The following FNDC3B variants were observed in gnomAD, a reference collection of about 807,000 sequenced individuals.
The protein encoded by FNDC3B is fibronectin type III domain-containing protein 3B.
In FNDC3B, 12 loss-of-function variants were observed where a neutral mutation model predicts 151.5. The observed-to-expected ratio is 0.08, with a 90% CI of 0.05 to 0.13. The LOEUF is 0.13. FNDC3B is among the 10% of genes least tolerant of loss of function. The pLI, the probability that FNDC3B is intolerant of heterozygous loss-of-function variation, is 1.00. For synonymous variants in FNDC3B, 528 were observed against 549.0 expected, an observed-to-expected ratio of 0.96 and a Z score of 0.54; for missense variants, 1,214 against 1,505.3, an observed-to-expected ratio of 0.81 and a Z score of 3.20.
intron 1 of FNDC3B, among the ~76,000 whole-genome samples, chr3:172,110,242 C>G (rs1359367625): frequency 3.3e-5 from 5 of 152,194 alleles, no homozygotes; most frequent in African/African-American, 1.2e-4. Context: ...ACTGTCTTCT[C>G]TTACTCAGTT....
intron 1 of FNDC3B, among the ~76,000 whole-genome samples, chr3:172,093,288 TTG>T (rs1438243420): frequency 3.3e-5 from 5 of 151,060 alleles, no homozygotes; most frequent in Non-Finnish European, 7.4e-5. Flanking sequence ...AGACGGAGTC[TTG>T]CTCTGTCACC....
chr3:172,236,216 G>A (rs552089119), intron 4 of FNDC3B, among the ~76,000 whole-genome samples: 9 of 152,256 alleles, frequency 5.9e-5, no homozygotes, highest in African/African-American at 2.2e-4. Context: ...GATTAGATTT[G>A]ATTTTTGATT....
chr3:172,103,291 A>G (rs943934451), intron 1 of FNDC3B, among the ~76,000 whole-genome samples: 10 of 151,976 alleles, frequency 6.6e-5, no homozygotes, highest in Admixed American at 2.6e-4. Context: ...ATTTTTTTCC[A>G]TTTAGTTTTT....
At chr3:172,327,406 G>A (rs1402732586) in intron 11 of FNDC3B, among the ~76,000 whole-genome samples, 6 of 151,922 alleles carry the variant, frequency 3.9e-5, no homozygotes, top group Non-Finnish European at 7.4e-5. Context: ...TTTGGGGGGC[G>A]GGGCGGGGCA....
chr3:172,354,495 T>TA (rs889464333), intron 22 of FNDC3B, among the ~76,000 whole-genome samples: 1 of 149,838 alleles, frequency 6.7e-6, no homozygotes, highest in Admixed American at 6.6e-5. Context: ...ATATAAACAA[T>TA]AAAAAAAAAT....
intron 6 of FNDC3B, among the ~76,000 whole-genome samples, chr3:172,269,149 G>A (rs565665724): frequency 5.3e-5 from 8 of 152,308 alleles, no homozygotes; most frequent in East Asian, 1.9e-4. Context: ...TATGTTCCTG[G>A]TCAGCAGCAT....
At chr3:172,051,043 C>T (rs899740456) in intron 1 of FNDC3B, among the ~76,000 whole-genome samples, 9 of 151,536 alleles carry the variant, frequency 5.9e-5, no homozygotes, top group Non-Finnish European at 8.8e-5. Flanking sequence ...TTGTTATGTT[C>T]CAGAGCCATC....
At chr3:172,179,322 A>G (rs1009106286) in intron 3 of FNDC3B, among the ~76,000 whole-genome samples, 2 of 152,200 alleles carry the variant, frequency 1.3e-5, no homozygotes, top group Admixed American at 1.3e-4. Flanking sequence ...TTGGCCTCCC[A>G]AAGTGCTGAG....
chr3:172,377,565 T>C (rs1399542014), intron 23 of FNDC3B, among the ~76,000 whole-genome samples: 1 of 152,214 alleles, frequency 6.6e-6, no homozygotes, highest in Non-Finnish European at 1.5e-5. Flanking sequence ...GAAATCTTAA[T>C]TAGCAGAGAA....
intron 6 of FNDC3B, among the ~76,000 whole-genome samples, chr3:172,271,678 C>T (rs73167259): frequency 0.033 from 4,963 of 152,280 alleles, 120 homozygotes; most frequent in Middle Eastern, 0.065. Context: ...GGTCTCCATG[C>T]TCCTATGAGA....
chr3:172,088,948 A>C (rs1718682151), intron 1 of FNDC3B, among the ~76,000 whole-genome samples: 1 of 152,334 alleles, frequency 6.6e-6, no homozygotes. Flanking sequence ...AAATTTACAG[A>C]CAATAGCCAA....
intron 4 of FNDC3B, among the ~76,000 whole-genome samples, chr3:172,242,218 C>T (rs935721668): frequency 6.6e-6 from 1 of 152,148 alleles, no homozygotes; most frequent in African/African-American, 2.4e-5. Flanking sequence ...CTTTCACAGG[C>T]TGGTATTGAG....
At chr3:172,364,802 G>A (rs1734534753) in intron 23 of FNDC3B, among the ~76,000 whole-genome samples, 1 of 152,132 alleles carries the variant, frequency 6.6e-6, no homozygotes, top group South Asian at 2.1e-4. Context: ...TCAAATAAAT[G>A]ACTTGCCTAA....
At chr3:172,177,709 T>C (rs1723679537) in intron 3 of FNDC3B, among the ~76,000 whole-genome samples, 1 of 149,548 alleles carries the variant, frequency 6.7e-6, no homozygotes, top group Non-Finnish European at 1.5e-5. Flanking sequence ...AATTTTACTT[T>C]AAGTTCCAGG....
chr3:172,332,002 G>A (rs181966563), intron 13 of FNDC3B, among the ~76,000 whole-genome samples: 14 of 152,192 alleles, frequency 9.2e-5, no homozygotes, highest in Admixed American at 4.6e-4. Context: ...ATGTAGTTTC[G>A]CCTTGTTGTC....
chr3:172,078,154 T>C (rs976689614), intron 1 of FNDC3B, among the ~76,000 whole-genome samples: 1 of 152,182 alleles, frequency 6.6e-6, no homozygotes, highest in African/African-American at 2.4e-5. Context: ...CTAATTTTTG[T>C]ACTTTTAGTA....
intron 6 of FNDC3B, among the ~76,000 whole-genome samples, chr3:172,272,092 C>A (rs1729228566): frequency 6.6e-6 from 1 of 152,128 alleles, no homozygotes; most frequent in Non-Finnish European, 1.5e-5. Context: ...GCAGTCTAAA[C>A]TAAAAATATG....
intron 23 of FNDC3B, among the ~76,000 whole-genome samples, chr3:172,366,168 C>T (rs1734611468): frequency 6.6e-6 from 1 of 152,172 alleles, no homozygotes. Context: ...GGTTCTGCAA[C>T]TATGATGCAC....
At chr3:172,099,232 A>G (rs928822367) in intron 1 of FNDC3B, among the ~76,000 whole-genome samples, 1 of 152,142 alleles carries the variant, frequency 6.6e-6, no homozygotes, top group Non-Finnish European at 1.5e-5. Flanking sequence ...ATGTCCTACT[A>G]ATTCCTTTGT....
Sources: gnomAD v4.1 joint callset for allele counts (sites outside exome capture counted in the v4.1 genomes callset) on GRCh38, gnomAD v4.1.1 for gene constraint, MANE v1.5 for transcripts, NCBI Gene and HGNC (gene_info 2026-07-23, HGNC 2026-07-21) for gene names.